The following CNPY1 variants were observed in gnomAD, a reference collection of about 807,000 sequenced individuals.
The protein encoded by CNPY1 is canopy FGF signaling regulator 1.
CNPY1 carries 14 observed loss-of-function variants against 14.4 expected under a neutral mutation model. The ratio of observed to expected loss-of-function variants is 0.97; its 90% CI spans 0.64 to 1.52. The LOEUF (loss-of-function observed/expected upper bound fraction) is 1.52, where lower values mean the gene tolerates loss of function less well. Among genes scored for constraint, CNPY1 ranks in the 40% most tolerant of loss-of-function variants. CNPY1 has a pLI of 0.00. For synonymous variants in CNPY1, 43 were observed against 46.5 expected (o/e 0.92, Z 0.31); for missense variants, 129 against 131.5 (o/e 0.98, Z 0.09).
chr7:155,540,415 G>T (rs373029607), intron 2 of CNPY1, among the ~76,000 whole-genome samples: 5 of 152,188 alleles, frequency 3.3e-5, no homozygotes, highest in Admixed American at 1.3e-4. Flanking sequence ...AAAATTAAGT[G>T]AGTCACTAAA....
At chr7:155,535,031 T>A (rs1377254746) in intron 2 of CNPY1, among the ~76,000 whole-genome samples, 1 of 152,106 alleles carries the variant, frequency 6.6e-6, no homozygotes, top group Non-Finnish European at 1.5e-5. Context: ...CTGGCTGATG[T>A]GAGAGCAGGG....
At chr7:155,539,500 C>T (rs1797060254) in intron 2 of CNPY1, among the ~76,000 whole-genome samples, 1 of 152,152 alleles carries the variant, frequency 6.6e-6, no homozygotes, top group Admixed American at 6.5e-5. Context: ...AATAGCCAGC[C>T]CTCTCATTTT....
intron 2 of CNPY1, among the ~76,000 whole-genome samples, chr7:155,531,781 G>C (rs890509024): frequency 1.3e-5 from 2 of 152,190 alleles, no homozygotes; most frequent in African/African-American, 4.8e-5. Context: ...AATGGGTGCC[G>C]GCCTAAGAGA....
chr7:155,543,792 C>G (rs555580504), intron 2 of CNPY1, among the ~76,000 whole-genome samples: 2 of 152,312 alleles, frequency 1.3e-5, no homozygotes, highest in East Asian at 3.9e-4. Flanking sequence ...CTGGCCTGGG[C>G]TACTTCTGGC....
At chr7:155,545,289 G>A (rs909658525) in intron 2 of CNPY1, among the ~76,000 whole-genome samples, 2 of 152,232 alleles carry the variant, frequency 1.3e-5, no homozygotes, top group Non-Finnish European at 2.9e-5. Flanking sequence ...CCCGCCTGGT[G>A]TCTTAGACTC....
chr7:155,529,049 A>T (rs1796888083), intron 2 of CNPY1, among the ~76,000 whole-genome samples: 1 of 133,436 alleles, frequency 7.5e-6, no homozygotes, highest in African/African-American at 2.9e-5. Context: ...TGACAGAGCG[A>T]GACTCCATAT....
In CNPY1 at chr7:155,504,689, AACACACACACACACAC is replaced by A. The variant is rs61377945; in HGVS notation, c.401-1600_401-1585del. Among the ~76,000 whole-genome samples the A allele has an allele frequency of 3.5e-3, 512 of 145,294 alleles. 3 individuals carry two copies. Among genetic ancestry groups the A allele is most frequent in the Non-Finnish European group, 5.9e-3 (387 of 65,734 alleles). The stretch of plus-strand genomic sequence containing the variant: ...CTTAATGTGCAGTTTCATACCCCCC[AACACACACACACACAC>A]ACACACACACACACACACACACAGT... On this transcript the variant is annotated intron_variant, in intron 4 of 4. Coordinates refer to ENST00000636446, the MANE Select transcript of CNPY1 (RefSeq NM_001393663.1).
intron 2 of CNPY1, among the ~76,000 whole-genome samples, chr7:155,522,284 G>C (rs1486896162): frequency 6.6e-6 from 1 of 152,264 alleles, no homozygotes; most frequent in Non-Finnish European, 1.5e-5. Flanking sequence ...AGAAACCGAG[G>C]CCCTGAGACA....
At chr7:155,527,597 A>G (rs951196000) in intron 2 of CNPY1, among the ~76,000 whole-genome samples, 4 of 147,150 alleles carry the variant, frequency 2.7e-5, no homozygotes, top group Non-Finnish European at 4.5e-5. Flanking sequence ...ACACGCCACC[A>G]CACCCTGCTA....
chr7:155,542,900 C>G (rs73732802), intron 2 of CNPY1, among the ~76,000 whole-genome samples: 11 of 152,352 alleles, frequency 7.2e-5, no homozygotes, highest in African/African-American at 2.4e-4. Context: ...GACCCACCCC[C>G]GCCCGAGGCT....
chr7:155,533,371 G>C (rs188061964), intron 2 of CNPY1, among the ~76,000 whole-genome samples: 1 of 152,352 alleles, frequency 6.6e-6, no homozygotes, highest in East Asian at 1.9e-4. Flanking sequence ...AAACGAGCTT[G>C]TGCCTCATTC....
intron 4 of CNPY1, among the ~76,000 whole-genome samples, chr7:155,504,727 CA>C (rs1402937575): frequency 6.9e-5 from 10 of 144,146 alleles, no homozygotes; most frequent in African/African-American, 2.6e-4. Flanking sequence ...CACACACACA[CA>C]GTCACATCTT....
chr7:155,529,548 C>T (rs564309159), intron 2 of CNPY1, among the ~76,000 whole-genome samples: 3 of 152,222 alleles, frequency 2.0e-5, no homozygotes, highest in East Asian at 3.9e-4. Flanking sequence ...TGCTGGCAAC[C>T]CTCGGCATTC....
At chr7:155,538,607 GC>G (rs1479191012) in intron 2 of CNPY1, among the ~76,000 whole-genome samples, 1 of 152,188 alleles carries the variant, frequency 6.6e-6, no homozygotes, top group African/African-American at 2.4e-5. Context: ...TGCCCCACTT[GC>G]CCCGCAGTTG....
intron 2 of CNPY1, 36 bp from the exon 3 acceptor site, chr7:155,509,133 A>C (rs560756648): frequency 2.3e-6 from 3 of 1,296,112 alleles, no homozygotes; most frequent in Non-Finnish European, 3.2e-6. Context: ...ACTTGTCTTA[A>C]TGTTAATGTT....
At chr7:155,527,243 G>T (rs1796842927) in intron 2 of CNPY1, among the ~76,000 whole-genome samples, 1 of 150,568 alleles carries the variant, frequency 6.6e-6, no homozygotes, top group South Asian at 2.1e-4. Flanking sequence ...GTAGGGATGG[G>T]GTTTCACTAT....
intron 4 of CNPY1, among the ~76,000 whole-genome samples, chr7:155,505,283 C>A (rs1235678923): frequency 1.3e-5 from 2 of 152,142 alleles, no homozygotes; most frequent in African/African-American, 2.4e-5. Flanking sequence ...TCTTTTACAC[C>A]TTTTACTTCC....
chr7:155,534,631 G>A (rs538660274), intron 2 of CNPY1, among the ~76,000 whole-genome samples: 11 of 152,320 alleles, frequency 7.2e-5, no homozygotes, highest in African/African-American at 2.6e-4. Context: ...TGCACTGAGC[G>A]AGGCAGCCCT....
chr7:155,536,127 T>G lies in CNPY1; in HGVS notation c.99+9704A>C, dbSNP rs1797020394. Among the ~76,000 whole-genome samples, 1 of 152,126 alleles carries G rather than the reference T, an allele frequency of 6.6e-6. No individual in the cohort carries two copies. The highest frequency in any genetic ancestry group is 6.5e-5 in the Admixed American group (1 of 15,274). On this transcript the variant is annotated intron_variant, in intron 2 of 4. Transcript: ENST00000636446. The surrounding 1 kb of genome is among the most constrained non-coding windows in gnomAD (Gnocchi z 4.1). ...CTGGCGGGGTCAGAGGCAGTGGGGA[T>G]CCAGGTGCCATTTGAAATGGGATGC...
Sources: allele counts gnomAD v4.1 joint callset (sites outside exome capture counted in the v4.1 genomes callset), GRCh38; gene constraint gnomAD v4.1.1; non-coding constraint Gnocchi (gnomAD v3.1); transcripts MANE v1.5; gene names NCBI Gene and HGNC (gene_info 2026-07-23, HGNC 2026-07-21).